The following PUDP variants were observed in gnomAD, a reference collection of about 807,000 sequenced individuals.
PUDP encodes the protein pseudouridine 5'-phosphatase, also known as pseudouridine-5'-phosphatase.
A neutral mutation model predicts 9.4 loss-of-function variants in PUDP; 8 were observed. That is an observed-to-expected ratio of 0.85 (90% CI 0.50 to 1.53). The LOEUF (loss-of-function observed/expected upper bound fraction) is 1.53, where lower values mean the gene tolerates loss of function less well. Among genes scored for constraint, PUDP ranks in the 40% most tolerant of loss-of-function variants. The pLI is 0.00. For synonymous variants in PUDP, 99 were observed against 80.7 expected, an observed-to-expected ratio of 1.23 and a Z score of -1.22; for missense variants, 188 against 189.7, an observed-to-expected ratio of 0.99 and a Z score of 0.05.
intron 3 of PUDP, among the ~76,000 whole-genome samples, chrX:7,063,822 T>A (rs1158827679): frequency 9.0e-5 from 10 of 111,115 alleles, no homozygotes; most frequent in African/African-American, 3.3e-4. Flanking sequence ...TTTCTTTTTG[T>A]AGTTTTTGTA....
chrX:6,930,495 T>A (rs1230853406), intron 3 of PUDP, among the ~76,000 whole-genome samples: 1 of 111,472 alleles, frequency 9.0e-6, no homozygotes, highest in Non-Finnish European at 1.9e-5. Context: ...CTTGGCAACG[T>A]CCTGCAGTTA....
chrX:6,894,250 C>T (rs1233583719), intron 3 of PUDP, among the ~76,000 whole-genome samples: 1 of 110,571 alleles, frequency 9.0e-6, no homozygotes, highest in East Asian at 2.8e-4. Flanking sequence ...TACCACGGAG[C>T]GTAAAATAAA....
intron 1 of PUDP, among the ~76,000 whole-genome samples, chrX:7,122,946 A>C (rs750127713): frequency 5.3e-5 from 6 of 112,410 alleles, no homozygotes; most frequent in Non-Finnish European, 7.5e-5. Flanking sequence ...TGTTCTGGAA[A>C]CTATCAAGCC....
intron 2 of PUDP, among the ~76,000 whole-genome samples, chrX:7,097,387 G>A (rs948941209): frequency 4.5e-5 from 5 of 111,643 alleles, no homozygotes; most frequent in Non-Finnish European, 5.6e-5. Context: ...CTCCACAGGT[G>A]CTGTTTTCCT....
intron 3 of PUDP, among the ~76,000 whole-genome samples, chrX:6,947,547 C>T (rs1928486960): frequency 8.9e-6 from 1 of 112,012 alleles, no homozygotes; most frequent in African/African-American, 3.2e-5. Context: ...AATCCCAACG[C>T]TTTGAGAGGC....
intron 3 of PUDP, among the ~76,000 whole-genome samples, chrX:6,768,582 T>C (rs1226508997): frequency 1.8e-5 from 2 of 111,710 alleles, no homozygotes; most frequent in African/African-American, 6.5e-5. Context: ...TAGAATTCTT[T>C]TAGATATTAA....
chrX:6,984,721 A>T (rs1929082012), intron 1 of PUDP, among the ~76,000 whole-genome samples: 1 of 111,772 alleles, frequency 8.9e-6, no homozygotes, highest in Admixed American at 9.5e-5. Flanking sequence ...TTCAGGGTGT[A>T]AGCAGGAGAA....
chrX:6,753,194 G>A (rs949325957), intron 3 of PUDP, among the ~76,000 whole-genome samples: 1 of 111,430 alleles, frequency 9.0e-6, no homozygotes, highest in Non-Finnish European at 1.9e-5. Flanking sequence ...CTTATAGCTT[G>A]ACTCCCACTT....
At position 7,077,462 on chromosome X, in the gene PUDP, A is replaced by C. The variant is rs1930949858; in HGVS notation, c.281-13T>G. On this transcript the variant is annotated splice_polypyrimidine_tract_variant and intron_variant, in intron 2 of 3. Transcript: ENST00000381077. ...AGTTTCTCCGCCCCTGGGGAGGAGG[A>C]GGGAAGGACTGAGGTGAGGGGCGAG... is the stretch of plus-strand genomic sequence containing the variant. The C allele has an allele frequency of 8.5e-7, 1 of 1,182,905 alleles. No individual in the cohort carries two copies. Among genetic ancestry groups the C allele is most frequent in the Non-Finnish European group, 1.1e-6 (1 of 872,338 alleles).
At chrX:7,065,458 G>A (rs1278122400) in intron 3 of PUDP, among the ~76,000 whole-genome samples, 3 of 112,267 alleles carry the variant, frequency 2.7e-5, no homozygotes, top group Non-Finnish European at 3.7e-5. Flanking sequence ...GAGCCTTGGG[G>A]TTTATGTCCC....
intron 3 of PUDP, among the ~76,000 whole-genome samples, chrX:6,904,091 A>C (rs1173458540): frequency 9.2e-6 from 1 of 108,326 alleles, no homozygotes; most frequent in African/African-American, 3.4e-5. Flanking sequence ...AGCTGGAATT[A>C]CAGGCACCCG....
At chrX:6,834,835 C>T (rs761880233) in intron 3 of PUDP, among the ~76,000 whole-genome samples, 11 of 110,782 alleles carry the variant, frequency 9.9e-5, no homozygotes, top group Non-Finnish European at 1.9e-4. Flanking sequence ...AACTTGCAGC[C>T]CCAGGCCCAT....
chrX:6,864,525 T>G (rs974897549), intron 3 of PUDP, among the ~76,000 whole-genome samples: 1 of 111,657 alleles, frequency 9.0e-6, no homozygotes, highest in Non-Finnish European at 1.9e-5. Flanking sequence ...ACTGGTTTCC[T>G]TTGCCTACCT....
intron 3 of PUDP, among the ~76,000 whole-genome samples, chrX:6,769,384 G>A (rs1925329081): frequency 8.9e-6 from 1 of 111,798 alleles, no homozygotes; most frequent in African/African-American, 3.3e-5. Context: ...AATCTTATCA[G>A]GTAAGGTCAT....
At chrX:6,807,966 G>A (rs1022953961) in intron 3 of PUDP, among the ~76,000 whole-genome samples, 1 of 111,871 alleles carries the variant, frequency 8.9e-6, no homozygotes, top group Non-Finnish European at 1.9e-5. Flanking sequence ...GGAGTGAATA[G>A]CCAAAATGAG....
intron 3 of PUDP, among the ~76,000 whole-genome samples, chrX:6,734,722 C>A (rs185039031): frequency 8.9e-6 from 1 of 111,748 alleles, no homozygotes; most frequent in African/African-American, 3.2e-5. Flanking sequence ...TGGTCACACC[C>A]TGCTACACAG....
intron 1 of PUDP, among the ~76,000 whole-genome samples, chrX:7,144,308 T>C (rs1302576292): frequency 8.9e-6 from 1 of 112,314 alleles, no homozygotes; most frequent in Admixed American, 9.4e-5. Flanking sequence ...ATACATAGAT[T>C]CTTCTGACAA....
intron 1 of PUDP, among the ~76,000 whole-genome samples, chrX:6,713,404 T>G (rs1465658942): frequency 2.7e-5 from 3 of 111,752 alleles, no homozygotes; most frequent in Non-Finnish European, 5.6e-5. Context: ...CATACAATTT[T>G]TTTTTCACTT....
chrX:6,746,010 C>A (rs901117674), intron 3 of PUDP, among the ~76,000 whole-genome samples: 2 of 112,029 alleles, frequency 1.8e-5, no homozygotes, highest in Non-Finnish European at 3.8e-5. Context: ...GGGGCAAGAT[C>A]CACTGATCAC....
Sources: gnomAD v4.1 joint callset for allele counts (sites outside exome capture counted in the v4.1 genomes callset) on GRCh38, gnomAD v4.1.1 for gene constraint, MANE v1.5 for transcripts, NCBI Gene and HGNC (gene_info 2026-07-23, HGNC 2026-07-21) for gene names.